The following TMIE variants were observed in gnomAD, a reference collection of about 807,000 sequenced individuals.
TMIE encodes transmembrane inner ear.
A neutral mutation model predicts 16.8 loss-of-function variants in TMIE; 14 were observed. The observed-to-expected ratio is 0.83, with a 90% confidence interval of 0.55 to 1.30. The LOEUF (loss-of-function observed/expected upper bound fraction) is 1.30, where lower values mean the gene tolerates loss of function less well. TMIE is among the 50% of genes most tolerant of loss of function. The probability of loss-of-function intolerance (pLI) is 0.00; values close to 1 mark genes in which losing one functional copy is unlikely to be tolerated. For missense variants in TMIE, 204 were observed against 205.9 expected (o/e 0.99, Z 0.06); for synonymous variants, 75 against 87.2 (o/e 0.86, Z 0.78).
At chr3:46,704,886 G>T (rs910702160) in intron 1 of TMIE, among the ~76,000 whole-genome samples, 8 of 152,038 alleles carry the variant, frequency 5.3e-5, no homozygotes, top group African/African-American at 1.7e-4. Flanking sequence ...CAGGGCCAGG[G>T]TCATGTCCCT....
chr3:46,705,933 C>T (rs779156929), intron 2 of TMIE, 26 bp downstream of exon 2: 1 of 1,603,456 alleles, frequency 6.2e-7, no homozygotes, highest in African/African-American at 1.3e-5. Context: ...CTTCCCTCTC[C>T]ACCACACTGC....
upstream of TMIE, among the ~76,000 whole-genome samples, chr3:46,697,835 C>T (rs1350670623): frequency 6.6e-6 from 1 of 151,980 alleles, no homozygotes; most frequent in Non-Finnish European, 1.5e-5. Context: ...AGGGAAAAAA[C>T]CCACACATTT....
In TMIE at chr3:46,705,791, C is replaced by A; in HGVS notation, c.95C>A (p.Pro32His). ...ACTCCCCTCTCTCCTGACCCACAGC[C>A]CAGCACGGCCCCACCCAAGCCCAAG... ...LAGVAGQLVE[P>H]STAPPKPKPP... The change falls in exon 2 of 4, where the codon CCC becomes CAC. Residue 32 changes from proline to histidine, a missense_variant and splice_region_variant. Coordinates refer to ENST00000643606, the MANE Select transcript of TMIE (RefSeq NM_147196.3). 6.2e-7 allele frequency: 1 copy of A among 1,613,824 alleles called. No individual in the cohort carries two copies. Among genetic ancestry groups the A allele is most frequent in the Non-Finnish European group, 8.5e-7 (1 of 1,179,996 alleles).
chr3:46,704,368 A>G (rs1700517833), intron 1 of TMIE, among the ~76,000 whole-genome samples: 1 of 138,134 alleles, frequency 7.2e-6, no homozygotes, highest in Admixed American at 7.4e-5. Context: ...AAGGTGGACC[A>G]TGTCCCTAGA....
chr3:46,704,278 G>A (rs1700516125), intron 1 of TMIE, among the ~76,000 whole-genome samples: 1 of 149,124 alleles, frequency 6.7e-6, no homozygotes, highest in Non-Finnish European at 1.5e-5. Context: ...AGACACCCAG[G>A]GCAGGACCAT....
intron 2 of TMIE, among the ~76,000 whole-genome samples, chr3:46,707,576 T>C (rs919467357): frequency 2.6e-5 from 4 of 152,074 alleles, no homozygotes; most frequent in African/African-American, 9.7e-5. Flanking sequence ...CTAGATGGGG[T>C]GCCCCTGGAG....
At position 46,709,600 on chromosome 3, in the gene TMIE, AG is replaced by A. The variant is rs1345378406; in HGVS notation, c.384del (p.Lys129ArgfsTer13). The A allele has an allele frequency of 1.9e-6, 3 of 1,613,882 alleles. No homozygotes were observed. The highest frequency in any genetic ancestry group is 2.5e-6 in the Non-Finnish European group (3 of 1,179,904). ...ACAGAGGATAAGAAGAAGAAGAAGA[AG>A]AAGAAGAAGGACAGTGTGGACACAG... is the stretch of plus-strand genomic sequence containing the variant. Reference protein sequence around the residue: ...VPGEDKKKKKKKKKDSVDTVA... With the variant: ...VPGEDKKKKKXKKKDSVDTVA... On this transcript the variant is annotated frameshift_variant, in exon 4 of 4. Transcript: ENST00000643606. LOFTEE classifies it high-confidence loss of function.
chr3:46,698,415 G>A (rs546185092), upstream of TMIE, among the ~76,000 whole-genome samples: 64 of 151,854 alleles, frequency 4.2e-4, no homozygotes, highest in African/African-American at 1.4e-3. Context: ...AATGACTAGC[G>A]TTTAATGAAG....
chr3:46,709,772 T>C lies in TMIE; in HGVS notation c.*84T>C. ...AGGCATGTTGGACTCTGAGCTCATTTGGGGACCACAGAGGCTGTGGTCAGA... is the reference window on the plus strand; with the variant it reads ...AGGCATGTTGGACTCTGAGCTCATTCGGGGACCACAGAGGCTGTGGTCAGA... On this transcript the variant is annotated 3_prime_UTR_variant, in exon 4 of 4. Transcript: ENST00000643606. The C allele has an allele frequency of 6.3e-7, 1 of 1,596,096 alleles. No individual in the cohort carries two copies. The highest frequency in any genetic ancestry group is 8.5e-7 in the Non-Finnish European group (1 of 1,172,296).
At position 46,701,544 on chromosome 3, in the gene TMIE, G is replaced by T; in HGVS notation, c.57G>T (p.Gly19=). 3.1e-6 allele frequency: 4 copies of T among 1,295,348 alleles called. No homozygotes were observed. Among genetic ancestry groups the T allele is most frequent in the Non-Finnish European group, 3.9e-6 (4 of 1,024,474 alleles). The allele number at this position is 1,295,348 out of a possible 1,614,324, so 80.2% of individuals were successfully genotyped here. The change falls in exon 1 of 4, where the codon GGG becomes GGT. Residue 19 remains glycine (G), a synonymous_variant. Transcript: ENST00000643606. This position sits in a 1 kb window ranked among gnomAD's most constrained non-coding sequence, Gnocchi z 4.3. ...GCGTGCTGGGCGGCGCCGCACTCGG[G>T]GTGTGCCTCGCGGGGGTTGCCGGGC... is the stretch of plus-strand genomic sequence containing the variant. ...PLCVLGGAAL[G]VCLAGVAGQL... is the part of the protein sequence containing the mutation.
chr3:46,700,412 G>A (rs1700455606), upstream of TMIE, among the ~76,000 whole-genome samples: 1 of 152,182 alleles, frequency 6.6e-6, no homozygotes, highest in Non-Finnish European at 1.5e-5. Context: ...CTGGTTCTCA[G>A]GGCAGGCCTT....
chr3:46,699,008 A>G (rs890270561), upstream of TMIE, among the ~76,000 whole-genome samples: 2 of 144,142 alleles, frequency 1.4e-5, no homozygotes, highest in Admixed American at 6.8e-5. Flanking sequence ...GTCAACTTTT[A>G]CCATCTTCAG....
chr3:46,701,320 G>C (rs1159149492), upstream of TMIE: 1 of 518,012 alleles, frequency 1.9e-6, no homozygotes. This position sits in a 1 kb window ranked among gnomAD's most constrained non-coding sequence, Gnocchi z 4.3. Flanking sequence ...CCACCGCAGC[G>C]ATGGCGGGGG....
chr3:46,706,254 C>T (rs1235663308), intron 2 of TMIE, among the ~76,000 whole-genome samples: 1 of 152,240 alleles, frequency 6.6e-6, no homozygotes, highest in Non-Finnish European at 1.5e-5. Flanking sequence ...CTTAAAGGCC[C>T]ACACCCAGGG....
rs1334953621 is a variant in TMIE, at chr3:46,705,846, G to A, written c.150G>A (p.Val50=). The part of the protein sequence containing the change: ...KPPPLTKETV[V]FWDMRLWHVV... ...CTCCGCTGACCAAGGAGACAGTGGT[G>A]TTCTGGGACATGCGCCTGTGGCACG... Residue 50 remains valine, a synonymous_variant, in exon 2 of 4, where the codon GTG becomes GTA. Coordinates refer to ENST00000643606, the MANE Select transcript of TMIE (RefSeq NM_147196.3). 1.9e-6 allele frequency: 3 copies of A among 1,614,048 alleles called. No homozygotes were observed. The highest frequency in any genetic ancestry group is 4.5e-5 in the East Asian group (2 of 44,886).
At position 46,710,091 on chromosome 3, in the gene TMIE, A is replaced by C; in HGVS notation, c.*403A>C. The C allele has an allele frequency of 5.9e-6, 2 of 338,474 alleles. No individual in the cohort carries two copies. The highest frequency in any genetic ancestry group is 1.2e-5 in the Non-Finnish European group (2 of 172,052). The allele number at this position is 338,474 out of a possible 1,614,324, so 21.0% of individuals were successfully genotyped here. A position where few individuals can be genotyped will look rare whatever the true frequency, so the allele number is the denominator to read the frequency against. Reference sequence around the variant, plus strand: ...TTCTGGCACGAAATGGCTGAAGTGCATGGGTCAGGGTGTGAGGCCACACCC... The same window carrying C: ...TTCTGGCACGAAATGGCTGAAGTGCCTGGGTCAGGGTGTGAGGCCACACCC... On this transcript the variant is annotated 3_prime_UTR_variant, in exon 4 of 4. Transcript: ENST00000643606.
At chr3:46,694,156 G>A (rs554576736), upstream of TMIE, among the ~76,000 whole-genome samples, 2 of 152,284 alleles carry the variant, frequency 1.3e-5, no homozygotes, top group Admixed American at 6.5e-5. Flanking sequence ...CTTGGAGCCT[G>A]TAGAGGGGTA....
intron 1 of TMIE, among the ~76,000 whole-genome samples, chr3:46,704,287 A>G (rs1219266926): frequency 2.2e-5 from 3 of 136,328 alleles, no homozygotes; most frequent in South Asian, 2.5e-4. Context: ...GGGCAGGACC[A>G]TGTCCCTAGA....
At chr3:46,703,932 G>A (rs1014050676) in intron 1 of TMIE, among the ~76,000 whole-genome samples, 5 of 152,168 alleles carry the variant, frequency 3.3e-5, no homozygotes, top group South Asian at 2.1e-4. Flanking sequence ...ACAACATCTC[G>A]CTCATATGCC....
Sources: gnomAD v4.1 joint callset for allele counts (sites outside exome capture counted in the v4.1 genomes callset) on GRCh38, gnomAD v4.1.1 for gene constraint, Gnocchi (gnomAD v3.1) non-coding constraint, MANE v1.5 for transcripts, NCBI Gene and HGNC (gene_info 2026-07-23, HGNC 2026-07-21) for gene names.